The following OTOGL variants were observed in gnomAD, a reference collection of about 807,000 sequenced individuals.
The protein encoded by OTOGL is otogelin-like protein.
Under a neutral mutation model 318.5 loss-of-function variants are expected in OTOGL, and 285 were observed. The ratio of observed to expected loss-of-function variants is 0.89; its 90% CI spans 0.81 to 0.99. OTOGL has a LOEUF of 0.99. Ranked by LOEUF, OTOGL falls within the 50% of genes least tolerant of loss-of-function variation. OTOGL has a pLI of 0.00. For synonymous variants in OTOGL, 987 were observed against 936.5 expected, an observed-to-expected ratio of 1.05 and a Z score of -0.99; for missense variants, 2,899 against 2,845.6, an observed-to-expected ratio of 1.02 and a Z score of -0.43.
intron 1 of OTOGL, among the ~76,000 whole-genome samples, chr12:80,173,446 G>T (rs1435986569): frequency 6.6e-6 from 1 of 152,064 alleles, no homozygotes; most frequent in Non-Finnish European, 1.5e-5. Flanking sequence ...GGTGGTGGTG[G>T]GAGTGTCTTT....
chr12:80,331,591 C>T (rs1252955014), intron 37 of OTOGL, among the ~76,000 whole-genome samples: 1 of 151,982 alleles, frequency 6.6e-6, no homozygotes, highest in African/African-American at 2.4e-5. Context: ...CTTCTCTCCT[C>T]GGCCTCCCAA....
rs1033420296 is a variant in OTOGL, at chr12:80,187,436, G to C, written c.-19-21977G>C. Among the ~76,000 whole-genome samples the C allele has an allele frequency of 3.2e-4, 48 of 152,102 alleles. 1 individual carries two copies. Among genetic ancestry groups the C allele is most frequent in the Non-Finnish European group, 1.5e-5 (1 of 68,016 alleles). On this transcript the variant is annotated intron_variant, in intron 1 of 58. Transcript: ENST00000547103. ...GGAGGAAGGATGACACGAAGCCCAG[G>C]AAGAGTAATACATTTTTAAGAAAGG...
intron 11 of OTOGL, among the ~76,000 whole-genome samples, chr12:80,240,227 T>C (rs777442906): frequency 3.3e-5 from 5 of 152,022 alleles, no homozygotes; most frequent in Admixed American, 6.6e-5. Flanking sequence ...ATTTTGTTTT[T>C]TGGGGGATAT....
At chr12:80,203,866 G>A (rs554556146) in intron 1 of OTOGL, among the ~76,000 whole-genome samples, 4 of 152,292 alleles carry the variant, frequency 2.6e-5, no homozygotes, top group South Asian at 2.1e-4. Context: ...ATGAGATGCC[G>A]TGAAGGATGG....
intron 42 of OTOGL, among the ~76,000 whole-genome samples, chr12:80,338,232 G>A (rs887039575): frequency 2.0e-5 from 3 of 152,030 alleles, no homozygotes; most frequent in Non-Finnish European, 4.4e-5. Context: ...GAAATAAAGA[G>A]AAGAGTAACT....
At chr12:80,316,325 G>A (rs577360396) in intron 32 of OTOGL, among the ~76,000 whole-genome samples, 1 of 152,242 alleles carries the variant, frequency 6.6e-6, no homozygotes, top group South Asian at 2.1e-4. Context: ...AAAAATTCCT[G>A]TCACACCCAG....
intron 1 of OTOGL, among the ~76,000 whole-genome samples, chr12:80,147,672 G>T (rs1042069656): frequency 6.6e-6 from 1 of 152,020 alleles, no homozygotes; most frequent in African/African-American, 2.4e-5. Flanking sequence ...GTCTCCCATT[G>T]TTAATGTGTG....
At chr12:80,234,533 G>T (rs982835074) in intron 9 of OTOGL, among the ~76,000 whole-genome samples, 2 of 152,138 alleles carry the variant, frequency 1.3e-5, no homozygotes, top group Non-Finnish European at 2.9e-5. Context: ...TAAGTTTAAA[G>T]ATATAATAAG....
intron 1 of OTOGL, among the ~76,000 whole-genome samples, chr12:80,191,930 C>A (rs774840152): frequency 1.3e-5 from 2 of 152,076 alleles, no homozygotes; most frequent in Non-Finnish European, 2.9e-5. Flanking sequence ...GAATTCTAAG[C>A]GATATTTCAT....
At chr12:80,110,210 G>A (rs1869752822) in intron 1 of OTOGL, among the ~76,000 whole-genome samples, 1 of 151,936 alleles carries the variant, frequency 6.6e-6, no homozygotes, top group Non-Finnish European at 1.5e-5. Flanking sequence ...TGGGACTACA[G>A]GCGCCCGCCA....
intron 9 of OTOGL, among the ~76,000 whole-genome samples, chr12:80,237,907 G>A (rs555533057): frequency 6.6e-6 from 1 of 152,256 alleles, no homozygotes; most frequent in East Asian, 1.9e-4. Flanking sequence ...TGCAAATCTG[G>A]GTGGTGGAGA....
At chr12:80,150,607 C>G (rs1246126546) in intron 1 of OTOGL, among the ~76,000 whole-genome samples, 2 of 152,192 alleles carry the variant, frequency 1.3e-5, no homozygotes, top group Non-Finnish European at 2.9e-5. Flanking sequence ...GCAAAGAAAA[C>G]TCAAAAGTAG....
At chr12:80,132,012 A>G (rs1479766379) in intron 1 of OTOGL, 2 of 152,226 alleles carry the variant, frequency 1.3e-5, no homozygotes, top group Non-Finnish European at 2.9e-5. Flanking sequence ...GTTAGTATCA[A>G]CCGGGAACTT....
chr12:80,288,698 T>A (rs1338217464), intron 26 of OTOGL, among the ~76,000 whole-genome samples: 1 of 151,972 alleles, frequency 6.6e-6, no homozygotes, highest in African/African-American at 2.4e-5. Context: ...CTATTGATCC[T>A]TTTGTATGCT....
At chr12:80,340,372 G>T (rs1888687601) in intron 43 of OTOGL, among the ~76,000 whole-genome samples, 1 of 152,040 alleles carries the variant, frequency 6.6e-6, no homozygotes, top group Non-Finnish European at 1.5e-5. Flanking sequence ...GTGACTTAAG[G>T]TTATGATTTG....
chr12:80,334,848 A>G (rs1322712452), intron 38 of OTOGL, among the ~76,000 whole-genome samples: 4 of 152,124 alleles, frequency 2.6e-5, no homozygotes, highest in African/African-American at 7.2e-5. Flanking sequence ...TGTGAGGTCT[A>G]TAGTTCTCTT....
At chr12:80,279,749 G>A (rs1884081343) in intron 26 of OTOGL, among the ~76,000 whole-genome samples, 1 of 151,566 alleles carries the variant, frequency 6.6e-6, no homozygotes, top group Non-Finnish European at 1.5e-5. Context: ...TGCAATGAAT[G>A]TATGCATACA....
At chr12:80,284,329 C>T (rs544863136) in intron 26 of OTOGL, among the ~76,000 whole-genome samples, 2 of 152,166 alleles carry the variant, frequency 1.3e-5, no homozygotes, top group South Asian at 4.2e-4. Flanking sequence ...AATAGTGCTG[C>T]AATAAACATA....
intron 27 of OTOGL, among the ~76,000 whole-genome samples, chr12:80,299,382 A>G (rs1885610106): frequency 6.6e-6 from 1 of 152,228 alleles, no homozygotes; most frequent in Admixed American, 6.5e-5. Flanking sequence ...AGTATGACAC[A>G]TCTTTGAAGT....
Sources: allele counts gnomAD v4.1 joint callset (sites outside exome capture counted in the v4.1 genomes callset), GRCh38; gene constraint gnomAD v4.1.1; transcripts MANE v1.5; gene names NCBI Gene and HGNC (gene_info 2026-07-23, HGNC 2026-07-21).